NXNL2: variants seen among roughly 807,000 people sequenced by gnomAD.
NXNL2 encodes the protein nucleoredoxin like 2, also known as nucleoredoxin-like protein 2.
In NXNL2, 7 loss-of-function variants were observed where a neutral mutation model predicts 11.1. The observed-to-expected ratio is 0.63, with a 90% CI of 0.36 to 1.18. The LOEUF is 1.18. NXNL2 is among the 50% of genes most tolerant of loss of function. The pLI is 0.02. For missense variants in NXNL2, 233 were observed against 217.7 expected (o/e 1.07, Z -0.44); for synonymous variants, 109 against 101.8 (o/e 1.07, Z -0.42).
downstream of NXNL2, among the ~76,000 whole-genome samples, chr9:88,576,781 C>T (rs905203401): frequency 2.6e-5 from 4 of 152,136 alleles, no homozygotes; most frequent in Non-Finnish European, 4.4e-5. Flanking sequence ...GCAGGGAGGT[C>T]GGCCCTGCTT....
At chr9:88,562,569 A>G (rs1013172673) in intron 1 of NXNL2, among the ~76,000 whole-genome samples, 3 of 152,180 alleles carry the variant, frequency 2.0e-5, no homozygotes, top group African/African-American at 4.8e-5. Flanking sequence ...CCTGGCCAAC[A>G]TGGTGAAACC....
Position 88,574,054 on chromosome 9 carries a change from C to T in NXNL2, c.*17-1033C>T, listed in dbSNP as rs1297085831. ...AACATGGTGCAGCCTCTTTGTAAAA[C>T]AGTTTAGTGGTTTCTTTAAAAAGTT... On this transcript the variant is annotated intron_variant, in intron 2 of 2. Coordinates refer to the NXNL2 transcript ENST00000375855. Among the ~76,000 whole-genome samples the T allele has an allele frequency of 1.3e-5, 2 of 152,168 alleles. 1 individual carries two copies. The highest frequency in any genetic ancestry group is 4.1e-4 in the South Asian group (2 of 4,832).
exon 2 of NXNL2, chr9:88,571,152 G>A: frequency 2.8e-6 from 1 of 357,366 alleles, no homozygotes; most frequent in Non-Finnish European, 5.4e-6. Flanking sequence ...TGCAACCTTT[G>A]CCTCCTGGGT....
At chr9:88,552,711 C>G (rs1278519277) in intron 1 of NXNL2, among the ~76,000 whole-genome samples, 2 of 152,100 alleles carry the variant, frequency 1.3e-5, no homozygotes, top group Admixed American at 6.6e-5. Context: ...CCTCGTGATC[C>G]GCCCACCTCA....
chr9:88,566,834 G>C (rs1444649599), intron 1 of NXNL2, among the ~76,000 whole-genome samples: 1 of 152,026 alleles, frequency 6.6e-6, no homozygotes, highest in Non-Finnish European at 1.5e-5. Flanking sequence ...TTATTCCTAA[G>C]TATTTTATTT....
At chr9:88,546,148 C>CGTGTGTGTGT (rs747134247), downstream of NXNL2, among the ~76,000 whole-genome samples, 2,708 of 147,458 alleles carry the variant, frequency 0.018, 64 homozygotes, top group East Asian at 0.1. Flanking sequence ...ACTGAGTGTT[C>CGTGTGTGTGT]GTGTGTGTGT....
At chr9:88,535,821 T>A in intron 1 of NXNL2, 85 bp downstream of exon 1, 1 of 1,056,886 alleles carries the variant, frequency 9.5e-7, no homozygotes, top group Non-Finnish European at 1.3e-6. Context: ...ACTGGGGAGC[T>A]CTTTATGACG....
downstream of NXNL2, among the ~76,000 whole-genome samples, chr9:88,576,759 A>G (rs1291398621): frequency 6.6e-6 from 1 of 152,198 alleles, no homozygotes; most frequent in African/African-American, 2.4e-5. Context: ...AGTAGACTAC[A>G]GGCAGCCCGT....
rs28685581 is a variant in NXNL2 at position 88,535,882 on chromosome 9, A to G, written c.302+146A>G. On this transcript the variant is annotated intron_variant, in intron 1 of 1. Coordinates refer to ENST00000375854, the MANE Select transcript of NXNL2 (RefSeq NM_001161625.2). ...TCGGTTCACGTCCGGACTCCGGTAAATCACACTCAGTCTCAGTTTCAACCT... is the reference window on the plus strand; with the variant it reads ...TCGGTTCACGTCCGGACTCCGGTAAGTCACACTCAGTCTCAGTTTCAACCT... 15,713 of 667,934 alleles carry G rather than the reference A, an allele frequency of 0.024. 1,603 individuals carry two copies. Among genetic ancestry groups the G allele is most frequent in the African/African-American group, 0.24 (12,648 of 53,780 alleles). The allele number at this position is 667,934 out of a possible 1,614,324, so 41.4% of individuals were successfully genotyped here.
chr9:88,535,410 T>G lies in NXNL2; in HGVS notation c.-25T>G, dbSNP rs779499772. On this transcript the variant is annotated 5_prime_UTR_variant, in exon 1 of 2. Coordinates refer to ENST00000375854, the MANE Select transcript of NXNL2 (RefSeq NM_001161625.2). ...TCATCCTCCTGCAGGTGTCCTCGGGTCTCAGGTGGCTGCGTGTCTGCGCCA... is the reference window on the plus strand; with the variant it reads ...TCATCCTCCTGCAGGTGTCCTCGGGGCTCAGGTGGCTGCGTGTCTGCGCCA... 1.9e-6 allele frequency: 3 copies of G among 1,564,220 alleles called. No individual in the cohort carries two copies. The highest frequency in any genetic ancestry group is 2.6e-6 in the Non-Finnish European group (3 of 1,160,088).
chr9:88,540,189 A>G (rs1446914305), intron 1 of NXNL2, among the ~76,000 whole-genome samples: 2 of 151,970 alleles, frequency 1.3e-5, no homozygotes, highest in African/African-American at 4.8e-5. Context: ...AAAATTAGCC[A>G]GGCATGGTGG....
rs1029566676 is a variant in NXNL2 at position 88,535,755 on chromosome 9, G to A, written c.302+19G>A. The A allele has an allele frequency of 6.5e-7, 1 of 1,529,020 alleles. No individual in the cohort carries two copies. Among genetic ancestry groups the A allele is most frequent in the Non-Finnish European group, 8.7e-7 (1 of 1,148,634 alleles). The allele number at this position is 1,529,020 out of a possible 1,614,324, so 94.7% of individuals were successfully genotyped here. ...ACCGGCAGTGAGTGGGGGTCCTGGG[G>A]GGGCGGGGGCCGCCCGGCACGTCTC... On this transcript the variant is annotated intron_variant, in intron 1 of 1. Coordinates refer to ENST00000375854, the MANE Select transcript of NXNL2 (RefSeq NM_001161625.2).
At chr9:88,568,457 T>A (rs1211911608) in intron 1 of NXNL2, among the ~76,000 whole-genome samples, 1 of 152,134 alleles carries the variant, frequency 6.6e-6, no homozygotes, top group Non-Finnish European at 1.5e-5. Context: ...GCAGGCTTGG[T>A]GCCACTGAAA....
intron 1 of NXNL2, among the ~76,000 whole-genome samples, chr9:88,554,449 C>T (rs1003513982): frequency 1.3e-5 from 2 of 152,172 alleles, no homozygotes; most frequent in Non-Finnish European, 2.9e-5. Context: ...AAGTGATCTG[C>T]CCACCTTGGC....
downstream of NXNL2, among the ~76,000 whole-genome samples, chr9:88,575,976 C>G (rs1324839118): frequency 1.3e-5 from 2 of 152,128 alleles, no homozygotes; most frequent in Admixed American, 6.5e-5. Context: ...AGGTGAATCA[C>G]GAGGTCAGGA....
In NXNL2 at chr9:88,535,692, G is replaced by A. The variant is rs201157817; in HGVS notation, c.258G>A (p.Leu86=). ...AGATGCTGGACTTCATGCGCGAGCT[G>A]CATGGCGCCTGGCTGGCGCTGCCCT... ...SQEMLDFMRE[L]HGAWLALPFH... Residue 86 remains leucine, a synonymous_variant, in exon 1 of 2, where the codon CTG becomes CTA. Coordinates refer to ENST00000375854, the MANE Select transcript of NXNL2 (RefSeq NM_001161625.2). 6.9e-6 allele frequency: 11 copies of A among 1,599,992 alleles called. No individual in the cohort carries two copies. The Admixed American group carries it at 1.5e-4, about 22-fold the overall frequency.
chr9:88,558,482 C>T (rs7855312), intron 1 of NXNL2, among the ~76,000 whole-genome samples: 4,373 of 152,048 alleles, frequency 0.029, 234 homozygotes, highest in African/African-American at 0.099. Context: ...GAAGTGTTTC[C>T]TTGATTTCTG....
intron 2 of NXNL2, among the ~76,000 whole-genome samples, chr9:88,574,838 C>T (rs4262392): frequency 0.15 from 22,363 of 152,018 alleles, 2,790 homozygotes; most frequent in East Asian, 0.74. Flanking sequence ...CGGCCAGGGG[C>T]GGGGGATCCT....
chr9:88,561,304 A>AC (rs1186723231), intron 1 of NXNL2, among the ~76,000 whole-genome samples: 1 of 152,166 alleles, frequency 6.6e-6, no homozygotes, highest in Non-Finnish European at 1.5e-5. Context: ...CAGTTTAGGG[A>AC]CCCGGACTGG....
Sources: allele counts gnomAD v4.1 joint callset (sites outside exome capture counted in the v4.1 genomes callset), GRCh38; gene constraint gnomAD v4.1.1; transcripts MANE v1.5; gene names NCBI Gene and HGNC (gene_info 2026-07-23, HGNC 2026-07-21).